CTBP2: variants seen among roughly 807,000 people sequenced by gnomAD.
CTBP2 encodes C-terminal-binding protein 2.
In CTBP2, 30 loss-of-function variants were observed where a neutral mutation model predicts 80.3. The ratio of observed to expected loss-of-function variants is 0.37; its 90% CI spans 0.28 to 0.51. The LOEUF (loss-of-function observed/expected upper bound fraction) is 0.51, where lower values mean the gene tolerates loss of function less well. Ranked by LOEUF, CTBP2 falls within the 20% of genes least tolerant of loss-of-function variation. CTBP2 has a pLI of 0.93. For missense variants in CTBP2, 1,212 were observed against 1,375.3 expected (o/e 0.88, Z 1.88); for synonymous variants, 594 against 587.4 (o/e 1.01, Z -0.16).
At chr10:125,033,689 C>G (rs1291022599) in intron 3 of CTBP2, among the ~76,000 whole-genome samples, 1 of 152,096 alleles carries the variant, frequency 6.6e-6, no homozygotes, top group African/African-American at 2.4e-5. Context: ...CCGCGGCACT[C>G]CTTCCCCCTG....
At position 125,070,222 on chromosome 10, in the gene CTBP2, G is replaced by A. The variant is rs58969999; in HGVS notation, c.-101-31067C>T. ...AAAAATTAGCCAGGTGTGGTGGCAC[G>A]TGCCTGCAGGCCCAGATACTTGGGA... On this transcript the variant is annotated intron_variant, in intron 2 of 10. Coordinates refer to the CTBP2 transcript ENST00000337195. Among the ~76,000 whole-genome samples the A allele has an allele frequency of 4.6e-3, 703 of 152,132 alleles. 7 individuals are homozygous for A. Among genetic ancestry groups the A allele is most frequent in the African/African-American group, 0.015 (631 of 41,490 alleles).
At chr10:125,051,674 GAA>G (rs1216579206) in intron 2 of CTBP2, among the ~76,000 whole-genome samples, 1 of 143,648 alleles carries the variant, frequency 7.0e-6, no homozygotes, top group African/African-American at 2.7e-5. Flanking sequence ...AAAAAAAAAA[GAA>G]ACCTTTTCAA....
At chr10:125,129,635 A>T (rs1855824943) in intron 1 of CTBP2, among the ~76,000 whole-genome samples, 1 of 152,136 alleles carries the variant, frequency 6.6e-6, no homozygotes, top group Non-Finnish European at 1.5e-5. Flanking sequence ...GGTTTTCCTA[A>T]CAAGAGACTG....
At chr10:125,001,161 G>T (rs1954443274) in intron 3 of CTBP2, 1 of 152,220 alleles carries the variant, frequency 6.6e-6, no homozygotes, top group Non-Finnish European at 1.5e-5. Flanking sequence ...GGCACTTCTA[G>T]AAATGGAGAA....
intron 2 of CTBP2, among the ~76,000 whole-genome samples, chr10:125,070,865 T>A (rs1253943975): frequency 6.6e-6 from 1 of 152,096 alleles, no homozygotes; most frequent in African/African-American, 2.4e-5. Flanking sequence ...GGATTTCACG[T>A]TGGCCAGGCT....
intron 1 of CTBP2, chr10:125,122,775 C>G (rs1186443095): frequency 6.6e-6 from 1 of 152,194 alleles, no homozygotes; most frequent in Admixed American, 6.5e-5. Context: ...AGGGGGCTGT[C>G]GACATGACCA....
At chr10:125,154,757 A>ACC (rs1280296365) in intron 1 of CTBP2, among the ~76,000 whole-genome samples, 5 of 152,134 alleles carry the variant, frequency 3.3e-5, no homozygotes, top group Middle Eastern at 3.2e-3. Flanking sequence ...CCAGGAATGC[A>ACC]CCTCCCTTAA....
chr10:125,115,751 T>C (rs1319087352), intron 1 of CTBP2, among the ~76,000 whole-genome samples: 2 of 152,166 alleles, frequency 1.3e-5, no homozygotes, highest in Non-Finnish European at 2.9e-5. Flanking sequence ...CATTGATGGT[T>C]AATGGTTAGG....
chr10:125,088,787 C>T (rs1848368679), intron 2 of CTBP2, among the ~76,000 whole-genome samples: 1 of 152,228 alleles, frequency 6.6e-6, no homozygotes, highest in Admixed American at 6.5e-5. Flanking sequence ...ATACTTCCCA[C>T]TTCTCACCAC....
intron 5 of CTBP2, among the ~76,000 whole-genome samples, 176 bp from the exon 8 acceptor site, chr10:124,994,161 TTGCTGC>T (rs1953124064): frequency 6.6e-6 from 1 of 152,216 alleles, no homozygotes; most frequent in Admixed American, 6.5e-5. Flanking sequence ...GCCAGGGCCG[TTGCTGC>T]TGATCCTGAG....
At position 125,026,826 on chromosome 10, in the gene CTBP2, G is replaced by A; in HGVS notation, c.934C>T (p.Gln312Ter). 6.2e-7 allele frequency: 1 copy of A among 1,613,498 alleles called. No homozygotes were observed. Among genetic ancestry groups the A allele is most frequent in the Non-Finnish European group, 8.5e-7 (1 of 1,179,984 alleles). Reference sequence around the variant, plus strand: ...ACGGCCGGGGAGTCAAAGCCCTGCTGCAGTAGGGCTCCCAGCGTGGCCTCT... The same window carrying A: ...ACGGCCGGGGAGTCAAAGCCCTGCTACAGTAGGGCTCCCAGCGTGGCCTCT... Residue 312 changes from glutamine (Q) to a stop codon, truncating the protein, a stop_gained, in exon 1 of 9, where the codon CAG (glutamine) becomes TAG (stop). Coordinates refer to ENST00000309035, the MANE Select transcript of CTBP2 (RefSeq NM_022802.3). LOFTEE classifies it high-confidence loss of function.
intron 1 of CTBP2, among the ~76,000 whole-genome samples, chr10:125,142,342 TC>T (rs756549571): frequency 6.6e-6 from 1 of 152,080 alleles, no homozygotes; most frequent in Non-Finnish European, 1.5e-5. Context: ...TCATGCATAA[TC>T]CTTGGATATT....
intron 1 of CTBP2, among the ~76,000 whole-genome samples, chr10:125,011,394 G>A (rs1955881347): frequency 1.3e-5 from 2 of 152,254 alleles, no homozygotes; most frequent in Non-Finnish European, 2.9e-5. Context: ...TGGACACAGA[G>A]CTGGCGAGGC....
chr10:125,141,963 C>T (rs1048581105), intron 1 of CTBP2, among the ~76,000 whole-genome samples: 6 of 152,070 alleles, frequency 3.9e-5, no homozygotes, highest in South Asian at 4.2e-4. Context: ...CTATGGCGGA[C>T]GAAGAGGCAC....
At chr10:125,021,131 C>G (rs1207370968) in intron 1 of CTBP2, among the ~76,000 whole-genome samples, 1 of 152,176 alleles carries the variant, frequency 6.6e-6, no homozygotes, top group African/African-American at 2.4e-5. Context: ...GCCCCTGAGA[C>G]CCCGAGGGCC....
At chr10:125,020,531 G>C (rs80348318) in intron 1 of CTBP2, among the ~76,000 whole-genome samples, 18 of 152,156 alleles carry the variant, frequency 1.2e-4, no homozygotes, top group African/African-American at 4.3e-4. Flanking sequence ...ACTGGAACGC[G>C]GGCAGAGCTG....
intron 2 of CTBP2, among the ~76,000 whole-genome samples, chr10:125,050,585 T>C (rs1022421278): frequency 6.6e-6 from 1 of 151,992 alleles, no homozygotes. Flanking sequence ...CACAAATTCA[T>C]CTTTGCCTAT....
rs1016160657 is a variant in CTBP2, at chr10:125,098,738, G to C, written c.-102+12252C>G. Among the ~76,000 whole-genome samples the C allele has an allele frequency of 7.9e-3, 809 of 102,402 alleles. 39 individuals carry two copies. The highest frequency in any genetic ancestry group is 0.049 in the South Asian group (144 of 2,954). The allele number at this position is 102,402 out of a possible 152,430, so 67.2% of individuals were successfully genotyped here. On this transcript the variant is annotated intron_variant, in intron 2 of 10. Transcript: ENST00000337195. ...AGAGAGAGAGACAGAGAGAGAGAGA[G>C]AGAGAGAGAGACAGAGAGAGAGAGA...
intron 2 of CTBP2, among the ~76,000 whole-genome samples, chr10:125,085,660 A>C (rs1847864460): frequency 6.6e-6 from 1 of 152,188 alleles, no homozygotes; most frequent in Non-Finnish European, 1.5e-5. Flanking sequence ...CCATGGGGAA[A>C]TCTAGTCCTG....
Sources: gnomAD v4.1 joint callset for allele counts (sites outside exome capture counted in the v4.1 genomes callset) on GRCh38, gnomAD v4.1.1 for gene constraint, MANE v1.5 for transcripts, NCBI Gene and HGNC (gene_info 2026-07-23, HGNC 2026-07-21) for gene names.